SF3B1: variants seen among roughly 807,000 people sequenced by gnomAD.
The protein encoded by SF3B1 is pre-mRNA processing 10.
SF3B1 carries 12 observed loss-of-function variants against 153.8 expected under a neutral mutation model. That is an observed-to-expected ratio of 0.08 (90% CI 0.05 to 0.13). The LOEUF (loss-of-function observed/expected upper bound fraction) is 0.13. SF3B1 is among the 10% of genes least tolerant of loss of function. The probability of loss-of-function intolerance (pLI) is 1.00; values close to 1 mark genes in which losing one functional copy is unlikely to be tolerated. For synonymous variants in SF3B1, 498 were observed against 525.2 expected, an observed-to-expected ratio of 0.95 and a Z score of 0.71; for missense variants, 513 against 1,606.1, an observed-to-expected ratio of 0.32 and a Z score of 11.63.
rs2084929986 is a variant in SF3B1, at chr2:197,400,712, T to C, written c.2718+3A>G. 6.3e-7 allele frequency: 1 copy of C among 1,585,118 alleles called. No individual in the cohort carries two copies. Among genetic ancestry groups the C allele is most frequent in the Non-Finnish European group, 8.6e-7 (1 of 1,156,210 alleles). Reference sequence around the variant, plus strand: ...AGCAATGTGCCATAATAGTTTTCATTACCTCTGTAGTCTGTTCTTGGAAAG... The same window carrying C: ...AGCAATGTGCCATAATAGTTTTCATCACCTCTGTAGTCTGTTCTTGGAAAG... On this transcript the variant is annotated splice_donor_region_variant and intron_variant, in intron 18 of 24. Transcript: ENST00000335508. The surrounding 1 kb of genome is among the most constrained non-coding windows in gnomAD (Gnocchi z 5.0).
chr2:197,401,308 A>G lies in SF3B1; in HGVS notation c.2496+92T>C, dbSNP rs899594751. The G allele has an allele frequency of 8.4e-7, 1 of 1,188,740 alleles. No homozygotes were observed. Among genetic ancestry groups the G allele is most frequent in the Admixed American group, 2.5e-5 (1 of 40,258 alleles). 73.6% of individuals were successfully genotyped at this position (1,188,740 alleles called of 1,614,324 possible). A position where few individuals can be genotyped will look rare whatever the true frequency, so the allele number is the denominator to read the frequency against. The stretch of plus-strand genomic sequence containing the variant: ...AGCACATATAAACTGTGAGATAATC[A>G]AGGCAAAAAATAATATACAACATGC... On this transcript the variant is annotated intron_variant, in intron 17 of 24. Coordinates refer to ENST00000335508, the MANE Select transcript of SF3B1 (RefSeq NM_012433.4). This position sits in a 1 kb window ranked among gnomAD's most constrained non-coding sequence, Gnocchi z 4.2.
Position 197,420,408 on chromosome 2 carries a change from G to T in SF3B1, c.415+20C>A. 6.4e-7 allele frequency: 1 copy of T among 1,551,596 alleles called. No individual in the cohort carries two copies. Among genetic ancestry groups the T allele is most frequent in the South Asian group, 1.1e-5 (1 of 89,582 alleles). ...ACAAATAAATTTCTGAATACTTATA[G>T]AAAAGTGGGAAAGAATTACCATCTG... On this transcript the variant is annotated intron_variant, in intron 4 of 24. Transcript: ENST00000335508.
intron 1 of SF3B1, among the ~76,000 whole-genome samples, chr2:197,430,903 T>G (rs778052919): frequency 2.6e-5 from 4 of 152,038 alleles, no homozygotes; most frequent in Non-Finnish European, 5.9e-5. Flanking sequence ...CAAGCAATCC[T>G]CCTGTCTTGA....
chr2:197,415,552 C>T (rs1035788508), intron 6 of SF3B1, among the ~76,000 whole-genome samples: 1 of 152,136 alleles, frequency 6.6e-6, no homozygotes, highest in Admixed American at 6.5e-5. Context: ...CCGCACCCAG[C>T]CGCTTTATTT....
chr2:197,435,068 A>G, upstream of SF3B1: 1 of 1,612,964 alleles, frequency 6.2e-7, no homozygotes. Context: ...GCCGCCACGG[A>G]GAAAAATAGC....
chr2:197,412,349 T>A (rs919951899), intron 6 of SF3B1, among the ~76,000 whole-genome samples: 9 of 147,906 alleles, frequency 6.1e-5, no homozygotes, highest in East Asian at 4.0e-4. Context: ...TTAATTTATT[T>A]ATTTATTTAT....
At chr2:197,417,711 C>T (rs761643161) in intron 5 of SF3B1, among the ~76,000 whole-genome samples, 4 of 151,898 alleles carry the variant, frequency 2.6e-5, no homozygotes, top group Non-Finnish European at 5.9e-5. Flanking sequence ...AAGCTGAAAT[C>T]GCACCACTGC....
At position 197,420,506 on chromosome 2, in the gene SF3B1, C is replaced by A. The variant is rs369364118; in HGVS notation, c.337G>T (p.Ala113Ser). 1.7e-5 allele frequency: 27 copies of A among 1,613,026 alleles called. No homozygotes were observed. The highest frequency in any genetic ancestry group is 4.0e-5 in the African/African-American group (3 of 74,900). The change falls in exon 4 of 25, where the codon GCA (alanine) becomes TCA (serine). Residue 113 changes from alanine to serine, a missense_variant. Coordinates refer to ENST00000335508, the MANE Select transcript of SF3B1 (RefSeq NM_012433.4). ...PFAEHRPPKI[A>S]DREDEYKKHR... ...TTTTTGTATTCATCTTCCCGGTCTG[C>A]AATCTTTGGAGGTCTGTGCTCAGCA...
chr2:197,403,597 T>C lies in SF3B1; in HGVS notation c.1707A>G (p.Pro569=), dbSNP rs1235542408. ...ILYKLDDLVR[P]YVHKILVVIE... ...AAGGAGAACAAACCTTATGCACATA[T>C]GGACGAACTAAGTCATCAAGTTTGT... The change falls in exon 12 of 25, where the codon CCA becomes CCG. Residue 569 remains proline, a synonymous_variant. Coordinates refer to ENST00000335508, the MANE Select transcript of SF3B1 (RefSeq NM_012433.4). 6.4e-7 allele frequency: 1 copy of C among 1,561,808 alleles called. No individual in the cohort carries two copies. Among genetic ancestry groups the C allele is most frequent in the Admixed American group, 2.3e-5 (1 of 44,214 alleles).
intron 22 of SF3B1, 114 bp from the exon 23 acceptor site, chr2:197,396,442 T>A: frequency 1.2e-6 from 1 of 803,222 alleles, no homozygotes. Context: ...GGGAACTCAG[T>A]AATTTTATAA....
At chr2:197,413,158 T>A (rs1400404173) in intron 6 of SF3B1, among the ~76,000 whole-genome samples, 1 of 152,160 alleles carries the variant, frequency 6.6e-6, no homozygotes, top group Non-Finnish European at 1.5e-5. Flanking sequence ...CCCACCACTT[T>A]GGGAGGCCAA....
chr2:197,406,144 C>T (rs1354734759), intron 9 of SF3B1, among the ~76,000 whole-genome samples: 1 of 147,952 alleles, frequency 6.8e-6, no homozygotes, highest in African/African-American at 2.5e-5. Flanking sequence ...TCTGGACAGG[C>T]CAGGATTACA....
chr2:197,424,343 A>G (rs2085297194), intron 1 of SF3B1, among the ~76,000 whole-genome samples: 1 of 152,170 alleles, frequency 6.6e-6, no homozygotes, highest in South Asian at 2.1e-4. Flanking sequence ...CTACTAAAAA[A>G]TACAAAAAGT....
chr2:197,430,082 T>C (rs1186234874), intron 1 of SF3B1, among the ~76,000 whole-genome samples: 2 of 151,984 alleles, frequency 1.3e-5, no homozygotes, highest in Non-Finnish European at 2.9e-5. Context: ...AAGAGATAAA[T>C]CATTAAATCA....
At chr2:197,419,113 T>C in intron 4 of SF3B1, 1 of 588,702 alleles carries the variant, frequency 1.7e-6, no homozygotes, top group Non-Finnish European at 3.0e-6. Flanking sequence ...AATCTGATTT[T>C]AAAAATATAC....
In SF3B1 at chr2:197,392,891, C is replaced by T. The variant is rs534091196; in HGVS notation, c.3756+81G>A. 4.2e-5 allele frequency: 34 copies of T among 811,494 alleles called. No individual in the cohort carries two copies. The Admixed American group carries it at 5.5e-4, about 13-fold the overall frequency. 50.3% of individuals were successfully genotyped at this position (811,494 alleles called of 1,614,324 possible). A position where few individuals can be genotyped will look rare whatever the true frequency, so the allele number is the denominator to read the frequency against. On this transcript the variant is annotated intron_variant, in intron 24 of 24. Transcript: ENST00000335508. The stretch of plus-strand genomic sequence containing the variant: ...TATATACCTATGTAACAAACCTGCA[C>T]GTTCAGCACAAGTATCCCAGAACTT...
intron 23 of SF3B1, 30 bp from the exon 24 acceptor site, chr2:197,393,218 G>A (rs1207957724): frequency 6.2e-6 from 9 of 1,460,040 alleles, no homozygotes; most frequent in Non-Finnish European, 8.6e-6. Context: ...AGTCCTTTAA[G>A]ATGCGGTCTT....
intron 9 of SF3B1, among the ~76,000 whole-genome samples, chr2:197,405,890 AG>A (rs2084985886): frequency 6.6e-6 from 1 of 152,140 alleles, no homozygotes; most frequent in Non-Finnish European, 1.5e-5. Context: ...ATTATATTTT[AG>A]TATTAAAATG....
At chr2:197,434,834 G>T in intron 1 of SF3B1, 138 bp downstream of exon 1, 1 of 862,080 alleles carries the variant, frequency 1.2e-6, no homozygotes, top group Non-Finnish European at 1.9e-6. Flanking sequence ...CCGCTGGCGC[G>T]GAGGAGACGA....
Sources: gnomAD v4.1 joint callset for allele counts (sites outside exome capture counted in the v4.1 genomes callset) on GRCh38, gnomAD v4.1.1 for gene constraint, Gnocchi (gnomAD v3.1) non-coding constraint, MANE v1.5 for transcripts, NCBI Gene and HGNC (gene_info 2026-07-23, HGNC 2026-07-21) for gene names.